Variants in KRI1 observed in about 807,000 individuals in gnomAD.
KRI1 encodes the protein protein KRI1 homolog.
Under a neutral mutation model 97.0 loss-of-function variants are expected in KRI1, and 83 were observed. The ratio of observed to expected loss-of-function variants is 0.86; its 90% CI spans 0.72 to 1.03. The LOEUF (loss-of-function observed/expected upper bound fraction) is 1.03. Ranked by LOEUF, KRI1 falls within the 50% of genes least tolerant of loss-of-function variation. The pLI is 0.00. For synonymous variants in KRI1, 371 were observed against 363.5 expected, an observed-to-expected ratio of 1.02 and a Z score of -0.23; for missense variants, 916 against 928.4, an observed-to-expected ratio of 0.99 and a Z score of 0.17.
chr19:10,554,665 T>C (rs1377689549), intron 18 of KRI1, among the ~76,000 whole-genome samples: 1 of 151,840 alleles, frequency 6.6e-6, no homozygotes, highest in Non-Finnish European at 1.5e-5. Context: ...CTCGCTTGAG[T>C]CTCCCAAAGT....
rs1916817213 is a variant in KRI1 at position 10,564,976 on chromosome 19, T to C, written c.227A>G (p.Lys76Arg). The C allele has an allele frequency of 6.2e-7, 1 of 1,613,870 alleles. No homozygotes were observed. Among genetic ancestry groups the C allele is most frequent in the Non-Finnish European group, 8.5e-7 (1 of 1,179,822 alleles). ...FYKTLSLLKK[K>R]DPRIYQKDAT... ...ATCTTTCTGATAAATGCGGGGGTCC[T>C]TCTTCTTCAACAAGGAGAGCGTTTT... is the stretch of plus-strand genomic sequence containing the variant. Residue 76 changes from lysine (K) to arginine (R), a missense_variant, in exon 3 of 19, where the codon AAG becomes AGG. Transcript: ENST00000312962.
In KRI1 at chr19:10,561,008, C is replaced by T. The variant is rs1186920624; in HGVS notation, c.658G>A (p.Glu220Lys). 1 of 1,612,662 alleles carries T rather than the reference C, an allele frequency of 6.2e-7. No homozygotes were observed. Among genetic ancestry groups the T allele is most frequent in the South Asian group, 1.1e-5 (1 of 91,054 alleles). ...GACCATGCGTGAGAACTCACCAGTT[C>T]CTTCAGGGAATCTGGGTTCCGAATC... is the stretch of plus-strand genomic sequence containing the variant. Reference protein sequence around the residue: ...KEIRNPDSLKELTHLKEYWND... With the variant: ...KEIRNPDSLKKLTHLKEYWND... Residue 220 changes from glutamate (E) to lysine (K), a missense_variant, in exon 8 of 19, where the codon GAA (glutamate) becomes AAA (lysine). By Grantham distance (56) the Glu-to-Lys change is moderately conservative (BLOSUM62 1). Transcript: ENST00000312962.
chr19:10,565,820 C>CG, intron 1 of KRI1, 30 bp from the exon 2 acceptor site: 3 of 1,551,470 alleles, frequency 1.9e-6, no homozygotes, highest in Non-Finnish European at 2.6e-6. Context: ...TGCCCCCCCC[C>CG]AGGTCAGCCG....
chr19:10,557,771 G>A lies in KRI1; in HGVS notation c.1484C>T (p.Pro495Leu). The change falls in exon 15 of 19, where the codon CCC (proline) becomes CTC (leucine). Residue 495 changes from proline (P) to leucine (L), a missense_variant and splice_region_variant. By Grantham distance (98) the Pro-to-Leu change is moderately conservative. Transcript: ENST00000312962. ...CGGCCTGCCCACCTGGGCCTCACCGGGTTCAAACACGGGCTTCTCCTGCCC... is the reference window on the plus strand; with the variant it reads ...CGGCCTGCCCACCTGGGCCTCACCGAGTTCAAACACGGGCTTCTCCTGCCC... The part of the protein sequence containing the change: ...AVGQEKPVFE[P>L]GDKTFEEYLD... 6.2e-7 allele frequency: 1 copy of A among 1,613,406 alleles called. No homozygotes were observed. Among genetic ancestry groups the A allele is most frequent in the African/African-American group, 1.3e-5 (1 of 75,054 alleles).
At chr19:10,554,977 C>CG (rs376392183) in intron 18 of KRI1, 110 bp downstream of exon 18, 12 of 832,468 alleles carry the variant, frequency 1.4e-5, no homozygotes, top group East Asian at 1.1e-4. Flanking sequence ...GGTCTCAGAG[C>CG]GGGGGGCGCT....
chr19:10,562,981 T>C (rs1568424182), intron 3 of KRI1, 144 bp from the exon 4 acceptor site: 2 of 604,378 alleles, frequency 3.3e-6, no homozygotes, highest in East Asian at 5.4e-5. Flanking sequence ...GTATTGTGCT[T>C]GTCACCATCT....
At chr19:10,564,884 T>A (rs746567141) in intron 3 of KRI1, 45 bp downstream of exon 3, 3 of 1,245,210 alleles carry the variant, frequency 2.4e-6, no homozygotes, top group South Asian at 1.2e-5. Flanking sequence ...GACCCCGGAT[T>A]CTGCTCCAGA....
chr19:10,559,730 C>G, intron 10 of KRI1, 22 bp from the exon 11 acceptor site: 1 of 1,614,090 alleles, frequency 6.2e-7, no homozygotes. Context: ...CAGAAAAGCC[C>G]ACAAGGGCCG....
rs1916365291 is a variant in KRI1 at position 10,553,280 on chromosome 19, G to C, written c.*671C>G. 2 of 607,190 alleles carry C rather than the reference G, an allele frequency of 3.3e-6. No homozygotes were observed. Among genetic ancestry groups the C allele is most frequent in the Non-Finnish European group, 5.4e-6 (2 of 371,162 alleles). 37.6% of individuals were successfully genotyped at this position (607,190 alleles called of 1,614,324 possible). ...CCAGCGGGGCCCTCCTGGCAGGGTA[G>C]GGAAGGAGGACCCCGGGCACCCCCC... On this transcript the variant is annotated 3_prime_UTR_variant, in exon 19 of 19. Transcript: ENST00000312962.
In KRI1 at chr19:10,561,705, C is replaced by T. The variant is rs376697044; in HGVS notation, c.450G>A (p.Ser150=). 1.7e-5 allele frequency: 27 copies of T among 1,613,954 alleles called. No individual in the cohort carries two copies. The highest frequency in any genetic ancestry group is 5.3e-5 in the African/African-American group (4 of 74,898). ...GTTTCTGTTCCTCCACATAACTTTG[C>T]GACGATGTCTCCTGCAGAGAGGGCC... The part of the protein sequence containing the change: ...TSNHRLQETS[S]QSYVEEQKQL... Residue 150 remains serine (S), a synonymous_variant, in exon 6 of 19, where the codon TCG becomes TCA. Coordinates refer to ENST00000312962, the MANE Select transcript of KRI1 (RefSeq NM_023008.5).
intron 6 of KRI1, 100 bp from the exon 7 acceptor site, chr19:10,561,365 G>A: frequency 8.9e-7 from 1 of 1,117,966 alleles, no homozygotes; most frequent in Non-Finnish European, 1.3e-6. Flanking sequence ...TCACTATGTT[G>A]CCCAGGCTGA....
intron 8 of KRI1, among the ~76,000 whole-genome samples, chr19:10,560,765 T>A (rs1184122968): frequency 1.3e-5 from 2 of 152,158 alleles, no homozygotes; most frequent in Non-Finnish European, 2.9e-5. Context: ...CATTTTGCTA[T>A]GTTGCCCAGG....
chr19:10,562,878 C>T (rs367928481), intron 3 of KRI1, 41 bp from the exon 4 acceptor site: 2 of 1,267,620 alleles, frequency 1.6e-6, no homozygotes, highest in Admixed American at 1.7e-5. Context: ...CCCACAACCC[C>T]CTTCTTTGCC....
chr19:10,565,737 C>T lies in KRI1; in HGVS notation c.148G>A (p.Asp50Asn), dbSNP rs954227308. 1.3e-6 allele frequency: 2 copies of T among 1,578,052 alleles called. No homozygotes were observed. The highest frequency in any genetic ancestry group is 1.8e-5 in the Admixed American group (1 of 55,974). Residue 50 changes from aspartate (D) to asparagine (N), a missense_variant, in exon 2 of 19, where the codon GAC (aspartate) becomes AAC (asparagine). Physicochemically the swap from Asp to Asn is conservative, Grantham distance 23 (BLOSUM62 1). Coordinates refer to ENST00000312962, the MANE Select transcript of KRI1 (RefSeq NM_023008.5). The part of the protein sequence containing the change: ...DSSSDSSSES[D>N]SSDERVEFDP... ...CGCACCACGCGCTCGTCGCTTGAGT[C>T]CGACTCGGAGCTGGAGTCGCTGCTG...
At chr19:10,564,027 T>C (rs1001331701) in intron 3 of KRI1, among the ~76,000 whole-genome samples, 1 of 150,488 alleles carries the variant, frequency 6.6e-6, no homozygotes, top group Non-Finnish European at 1.5e-5. Flanking sequence ...GCACCTGTAA[T>C]CCCAGCTACT....
chr19:10,554,695 G>A (rs1490928441), intron 18 of KRI1, among the ~76,000 whole-genome samples: 1 of 152,060 alleles, frequency 6.6e-6, no homozygotes, highest in East Asian at 1.9e-4. Context: ...ATAGGTTGGA[G>A]CACACACCTG....
At chr19:10,565,368 C>G (rs1161670569) in intron 2 of KRI1, 4 of 526,652 alleles carry the variant, frequency 7.6e-6, no homozygotes, top group Non-Finnish European at 1.3e-5. Context: ...GGGCCAGGAT[C>G]AGGGCTGATG....
intron 17 of KRI1, 39 bp downstream of exon 17, chr19:10,555,246 C>CCGCAGCGCACCTGGCTCCGCCCTGCT (rs769496306): frequency 6.2e-6 from 10 of 1,613,246 alleles, no homozygotes; most frequent in Admixed American, 1.7e-5. Context: ...CCCGCCCTGC[C>CCGCAGCGCACCTGGCTCCGCCCTGCT]CCCTGCGCAT....
intron 2 of KRI1, 78 bp from the exon 3 acceptor site, chr19:10,565,112 G>A: frequency 5.3e-6 from 5 of 943,538 alleles, no homozygotes; most frequent in Non-Finnish European, 8.7e-6. Flanking sequence ...TGAGCTCAGC[G>A]TAGGGATTAG....
Sources: gnomAD v4.1 joint callset for allele counts (sites outside exome capture counted in the v4.1 genomes callset) on GRCh38, gnomAD v4.1.1 for gene constraint, MANE v1.5 for transcripts, NCBI Gene and HGNC (gene_info 2026-07-23, HGNC 2026-07-21) for gene names.